MROH2B: variants seen among roughly 807,000 people sequenced by gnomAD.
The protein encoded by MROH2B is maestro heat-like repeat-containing protein family member 2B.
Under a neutral mutation model 208.6 loss-of-function variants are expected in MROH2B, and 177 were observed. The observed-to-expected ratio is 0.85, with a 90% CI of 0.75 to 0.96. MROH2B has a LOEUF of 0.96. Among genes scored for constraint, MROH2B ranks in the 40% least tolerant of loss-of-function variants. MROH2B has a pLI of 0.00. For missense variants in MROH2B, 2,002 were observed against 1,878.7 expected (o/e 1.07, Z -1.21); for synonymous variants, 728 against 659.0 (o/e 1.10, Z -1.60).
In MROH2B at chr5:41,057,292, G is replaced by C; in HGVS notation, c.825C>G (p.Ser275=). 6.3e-7 allele frequency: 1 copy of C among 1,599,054 alleles called. No individual in the cohort carries two copies. Among genetic ancestry groups the C allele is most frequent in the South Asian group, 1.1e-5 (1 of 88,600 alleles). ...DIGLPRSLRR[S]IFINLLQQIC... ...CCTGCTGGAGTAAATTGATAAAGATGGATCTTCTCAAGCTCCTTGGAAGGC... is the reference window on the plus strand; with the variant it reads ...CCTGCTGGAGTAAATTGATAAAGATCGATCTTCTCAAGCTCCTTGGAAGGC... The change falls in exon 8 of 42, where the codon TCC becomes TCG. Residue 275 remains serine, a synonymous_variant. Coordinates refer to ENST00000399564, the MANE Select transcript of MROH2B (RefSeq NM_173489.5).
chr5:41,052,612 A>G, intron 11 of MROH2B, 25 bp from the exon 12 acceptor site: 1 of 1,580,226 alleles, frequency 6.3e-7, no homozygotes, highest in East Asian at 2.3e-5. Flanking sequence ...ATGCAATAGC[A>G]ACATTTTACT....
At chr5:41,054,946 CTT>C in intron 10 of MROH2B, 106 bp from the exon 11 acceptor site, 1 of 733,458 alleles carries the variant, frequency 1.4e-6, no homozygotes, top group Non-Finnish European at 2.1e-6. Flanking sequence ...TGTGAAATCT[CTT>C]GTTTTTAACA....
intron 11 of MROH2B, among the ~76,000 whole-genome samples, chr5:41,053,558 G>GA (rs1561302427): frequency 6.6e-6 from 1 of 151,996 alleles, no homozygotes; most frequent in South Asian, 2.1e-4. Context: ...AGAGCGGGAA[G>GA]AAAAAAACCA....
intron 5 of MROH2B, among the ~76,000 whole-genome samples, chr5:41,063,602 T>A (rs1476558498): frequency 6.6e-6 from 1 of 152,228 alleles, no homozygotes; most frequent in Admixed American, 6.5e-5. Flanking sequence ...GAAGAGCCTT[T>A]GTTTCTAGGT....
At chr5:41,020,538 T>C (rs1742111364) in intron 24 of MROH2B, among the ~76,000 whole-genome samples, 2 of 152,198 alleles carry the variant, frequency 1.3e-5, no homozygotes, top group Admixed American at 6.5e-5. Flanking sequence ...TCATATCTTG[T>C]TCATCATTGC....
At chr5:41,042,235 A>T (rs1351250183) in intron 18 of MROH2B, 27 bp from the exon 19 acceptor site, 1 of 1,380,552 alleles carries the variant, frequency 7.2e-7, no homozygotes, top group Non-Finnish European at 1.0e-6. Context: ...AAGCAACAGG[A>T]TTTTAAGGGT....
At position 41,008,783 on chromosome 5, in the gene MROH2B, G is replaced by T. The variant is rs763481936; in HGVS notation, c.3431C>A (p.Ala1144Asp). ...GCCCATTGAGATCACTTCATACATA[G>T]CACAGGCCACCTGAGGGGAGAAAGG... ...ARVEAISVAC[A>D]MYEVISMGTS... Residue 1144 changes from alanine to aspartate, a missense_variant, in exon 33 of 42, where the codon GCT becomes GAT. Coordinates refer to ENST00000399564, the MANE Select transcript of MROH2B (RefSeq NM_173489.5). The T allele has an allele frequency of 6.2e-7, 1 of 1,611,884 alleles. No homozygotes were observed. The highest frequency in any genetic ancestry group is 8.5e-7 in the Non-Finnish European group (1 of 1,178,706).
At chr5:41,058,489 G>T (rs996829972) in intron 6 of MROH2B, among the ~76,000 whole-genome samples, 2 of 151,326 alleles carry the variant, frequency 1.3e-5, no homozygotes, top group African/African-American at 2.4e-5. Context: ...ACAGAGTCTC[G>T]CTTTGTTGCC....
intron 24 of MROH2B, among the ~76,000 whole-genome samples, chr5:41,026,701 T>C (rs1023419032): frequency 2.6e-5 from 4 of 152,118 alleles, no homozygotes; most frequent in African/African-American, 4.8e-5. Flanking sequence ...AAAGTTCATA[T>C]GGAACCAAAA....
Position 41,008,641 on chromosome 5 carries a change from C to A in MROH2B, c.3573G>T (p.Gln1191His). Residue 1191 changes from glutamine (Q) to histidine (H), a missense_variant, in exon 33 of 42, where the codon CAG becomes CAT. Gln to His is a conservative substitution (Grantham distance 24). Coordinates refer to ENST00000399564, the MANE Select transcript of MROH2B (RefSeq NM_173489.5). ...CTGGGATCTGCTGCTGTTCTCCCTG[C>A]TGCATCACATGCCGCCTATGGCTCC... ...CPWSHRRHVM[Q>H]QGEQQQIPDP... 1.2e-6 allele frequency: 2 copies of A among 1,613,836 alleles called. No individual in the cohort carries two copies. Among genetic ancestry groups the A allele is most frequent in the East Asian group, 2.2e-5 (1 of 44,892 alleles).
intron 6 of MROH2B, among the ~76,000 whole-genome samples, chr5:41,061,255 T>A (rs1718255117): frequency 6.6e-6 from 1 of 152,232 alleles, no homozygotes; most frequent in African/African-American, 2.4e-5. Flanking sequence ...ACTCATTTTA[T>A]CTTATTGATT....
chr5:41,068,244 T>C (rs1489761525), intron 2 of MROH2B, among the ~76,000 whole-genome samples: 1 of 152,216 alleles, frequency 6.6e-6, no homozygotes, highest in African/African-American at 2.4e-5. Flanking sequence ...CTGAGAATAA[T>C]GCATAATTTT....
intron 24 of MROH2B, among the ~76,000 whole-genome samples, chr5:41,027,512 T>G (rs1043992917): frequency 6.6e-6 from 1 of 152,154 alleles, no homozygotes; most frequent in African/African-American, 2.4e-5. Flanking sequence ...CCAGTTAGAA[T>G]GGCAATCATT....
intron 12 of MROH2B, 62 bp downstream of exon 12, chr5:41,052,403 A>G: frequency 7.0e-7 from 1 of 1,436,476 alleles, no homozygotes; most frequent in South Asian, 1.8e-5. Flanking sequence ...TTTAAAAAGA[A>G]ACATAGTTGA....
chr5:41,042,826 G>A (rs325855), intron 18 of MROH2B, among the ~76,000 whole-genome samples: 124,468 of 152,214 alleles, frequency 0.82, 51,531 homozygotes, highest in Non-Finnish European at 0.89. Context: ...GCTGATCTCA[G>A]ACTCCTGGCC....
intron 3 of MROH2B, 44 bp from the exon 4 acceptor site, chr5:41,065,534 C>T: frequency 1.3e-6 from 2 of 1,537,620 alleles, no homozygotes; most frequent in Non-Finnish European, 1.8e-6. Context: ...AGAAAAGGGG[C>T]AGAGTGAGTC....
chr5:41,009,491 A>G (rs1331413282), intron 31 of MROH2B, 85 bp from the exon 32 acceptor site: 3 of 1,498,396 alleles, frequency 2.0e-6, no homozygotes, highest in East Asian at 2.3e-5. Flanking sequence ...CTAAAATCAC[A>G]TTATGACTAA....
At chr5:41,015,318 A>G in intron 29 of MROH2B, 63 bp downstream of exon 29, 3 of 1,405,260 alleles carry the variant, frequency 2.1e-6, no homozygotes, top group Non-Finnish European at 3.0e-6. Context: ...GGGAGTATGT[A>G]GCTTACTCAT....
intron 1 of MROH2B, among the ~76,000 whole-genome samples, chr5:41,070,352 T>C (rs967730799): frequency 1.3e-5 from 2 of 152,134 alleles, no homozygotes; most frequent in African/African-American, 4.8e-5. Context: ...GAAAAAAAAT[T>C]GAGTCAAAGG....
Sources: allele counts gnomAD v4.1 joint callset (sites outside exome capture counted in the v4.1 genomes callset), GRCh38; gene constraint gnomAD v4.1.1; transcripts MANE v1.5; gene names NCBI Gene and HGNC (gene_info 2026-07-23, HGNC 2026-07-21).